Variants in ZNF792 observed in about 807,000 individuals in gnomAD.
ZNF792 encodes zinc finger protein 792.
In ZNF792, 14 loss-of-function variants were observed where a neutral mutation model predicts 13.1. The ratio of observed to expected loss-of-function variants is 1.07; its 90% CI spans 0.71 to 1.67. The LOEUF (loss-of-function observed/expected upper bound fraction) is 1.67, where lower values mean the gene tolerates loss of function less well. Among genes scored for constraint, ZNF792 ranks in the 40% most tolerant of loss-of-function variants. The pLI, the probability that ZNF792 is intolerant of heterozygous loss-of-function variation, is 0.00. For synonymous variants in ZNF792, 257 were observed against 292.0 expected (o/e 0.88, Z 1.22); for missense variants, 740 against 807.9 (o/e 0.92, Z 1.02).
At position 34,958,320 on chromosome 19, in the gene ZNF792, C is replaced by G; in HGVS notation, c.1535G>C (p.Gly512Ala). The change falls in exon 4 of 4, where the codon GGG becomes GCG. Residue 512 changes from glycine (G) to alanine (A), a missense_variant. Transcript: ENST00000404801. ...GERPYQCSEC[G>A]KFFNQSSSLN... is the part of the protein sequence containing the mutation. Reference sequence around the variant, plus strand: ...GCTGGAGCTTTGGTTAAAGAATTTCCCACATTCACTGCACTGGTAAGGCCG... The same window carrying G: ...GCTGGAGCTTTGGTTAAAGAATTTCGCACATTCACTGCACTGGTAAGGCCG... 2 of 1,613,204 alleles carry G rather than the reference C, an allele frequency of 1.2e-6. No individual in the cohort carries two copies. Among genetic ancestry groups the G allele is most frequent in the Non-Finnish European group, 1.7e-6 (2 of 1,179,558 alleles).
Position 34,960,340 on chromosome 19 carries a change from A to C in ZNF792, c.178T>G (p.Ser60Ala). ...ATCTCCAACTGGGAAACGATGTGGG[A>C]CCTGAAAGATATAAGTCCTAAGGGA... is the stretch of plus-strand genomic sequence containing the variant. ...IASLGLISFRSHIVSQLEMGK... is the reference protein window; with the variant it reads ...IASLGLISFRAHIVSQLEMGK... The change falls in exon 3 of 4, where the codon TCC (serine) becomes GCC (alanine). Residue 60 changes from serine to alanine, a missense_variant. Transcript: ENST00000404801. The C allele has an allele frequency of 6.2e-7, 1 of 1,613,446 alleles. No individual in the cohort carries two copies. Among genetic ancestry groups the C allele is most frequent in the South Asian group, 1.1e-5 (1 of 91,020 alleles).
At position 34,958,415 on chromosome 19, in the gene ZNF792, G is replaced by A; in HGVS notation, c.1440C>T (p.Cys480=). ...GGCTAAATAACTTCCCACATTCATTGCATTCATAAGGCCGCTCACCAGTGT... is the reference window on the plus strand; with the variant it reads ...GGCTAAATAACTTCCCACATTCATTACATTCATAAGGCCGCTCACCAGTGT... The part of the protein sequence containing the change: ...RVHTGERPYE[C]NECGKLFSQS... Residue 480 remains cysteine, a synonymous_variant, in exon 4 of 4, where the codon TGC becomes TGT. Coordinates refer to ENST00000404801, the MANE Select transcript of ZNF792 (RefSeq NM_175872.5). The A allele has an allele frequency of 1.9e-6, 3 of 1,613,372 alleles. No homozygotes were observed. The highest frequency in any genetic ancestry group is 1.7e-5 in the Admixed American group (1 of 59,996).
Position 34,956,668 on chromosome 19 carries a change from G to A in ZNF792, c.*1288C>T, listed in dbSNP as rs1474324516. On this transcript the variant is annotated 3_prime_UTR_variant, in exon 4 of 4. Coordinates refer to ENST00000404801, the MANE Select transcript of ZNF792 (RefSeq NM_175872.5). ...CTACTCATTTTAGAAAATCCGATTTGGCAACCCTATATTGACTCTGTCATC... is the reference window on the plus strand; with the variant it reads ...CTACTCATTTTAGAAAATCCGATTTAGCAACCCTATATTGACTCTGTCATC... 1 of 152,126 alleles carries A rather than the reference G, an allele frequency of 6.6e-6. No individual in the cohort carries two copies. The highest frequency in any genetic ancestry group is 6.5e-5 in the Admixed American group (1 of 15,278). 9.4% of individuals were successfully genotyped at this position (152,126 alleles called of 1,614,324 possible).
At chr19:34,960,176 G>A in intron 3 of ZNF792, 59 bp downstream of exon 3, 2 of 1,588,436 alleles carry the variant, frequency 1.3e-6, no homozygotes, top group South Asian at 2.2e-5. Context: ...AGAAGATGCT[G>A]GTATGATGTA....
chr19:34,962,722 G>C (rs1450778511), intron 1 of ZNF792, among the ~76,000 whole-genome samples: 2 of 152,030 alleles, frequency 1.3e-5, no homozygotes, highest in Non-Finnish European at 2.9e-5. Flanking sequence ...GCCATTGTTC[G>C]AATGAATATC....
chr19:34,964,012 A>C lies in ZNF792; in HGVS notation c.-350T>G. On this transcript the variant is annotated 5_prime_UTR_variant, in exon 1 of 4. Coordinates refer to ENST00000404801, the MANE Select transcript of ZNF792 (RefSeq NM_175872.5). The stretch of plus-strand genomic sequence containing the variant: ...CGTAGCCCCAGCCGCCCCGCCCCCA[A>C]CTCGGGGTCCCCAGCTCCTGGGGAC... 3.0e-5 allele frequency: 8 copies of C among 265,446 alleles called. No homozygotes were observed. The highest frequency in any genetic ancestry group is 5.7e-5 in the Non-Finnish European group (8 of 140,774). The allele number at this position is 265,446 out of a possible 1,614,324, so 16.4% of individuals were successfully genotyped here.
chr19:34,961,339 C>T (rs933562520), intron 1 of ZNF792, among the ~76,000 whole-genome samples: 4 of 152,164 alleles, frequency 2.6e-5, no homozygotes, highest in Admixed American at 6.5e-5. Flanking sequence ...CTCCCACGTG[C>T]GTTTCACTCT....
Position 34,958,257 on chromosome 19 carries a change from G to A in ZNF792, c.1598C>T (p.Pro533Leu), listed in dbSNP as rs2013464653. The stretch of plus-strand genomic sequence containing the variant: ...TTTCCCACATTCGCTGCACTCATAA[G>A]GCCGCTCGCCGGTGTGAAGTCTCCG... ...NHRRLHTGER[P>L]YECSECGKTF... The change falls in exon 4 of 4, where the codon CCT (proline) becomes CTT (leucine). Residue 533 changes from proline to leucine, a missense_variant. By Grantham distance (98) the Pro-to-Leu change is moderately conservative (BLOSUM62 -3). Coordinates refer to ENST00000404801, the MANE Select transcript of ZNF792 (RefSeq NM_175872.5). 2 of 1,614,064 alleles carry A rather than the reference G, an allele frequency of 1.2e-6. No individual in the cohort carries two copies. The highest frequency in any genetic ancestry group is 1.1e-5 in the South Asian group (1 of 91,072).
At position 34,957,075 on chromosome 19, in the gene ZNF792, T is replaced by TA. The variant is rs1421425682; in HGVS notation, c.*880dup. Reference sequence around the variant, plus strand: ...AAATTATGGTCCCAGCTGGGCCTGGTATGTCTTACAGTTAAGAGATACCTG... The same window carrying TA: ...AAATTATGGTCCCAGCTGGGCCTGGTAATGTCTTACAGTTAAGAGATACCTG... On this transcript the variant is annotated 3_prime_UTR_variant, in exon 4 of 4. Coordinates refer to ENST00000404801, the MANE Select transcript of ZNF792 (RefSeq NM_175872.5). The TA allele has an allele frequency of 1.3e-5, 2 of 152,212 alleles. No homozygotes were observed. Among genetic ancestry groups the TA allele is most frequent in the East Asian group, 3.8e-4 (2 of 5,196 alleles). 9.4% of individuals were successfully genotyped at this position (152,212 alleles called of 1,614,324 possible).
intron 1 of ZNF792, among the ~76,000 whole-genome samples, chr19:34,961,257 C>T (rs2013524282): frequency 6.6e-6 from 1 of 152,156 alleles, no homozygotes; most frequent in South Asian, 2.1e-4. Flanking sequence ...CAATGTCATG[C>T]TTCTCAGATA....
At position 34,960,940 on chromosome 19, in the gene ZNF792, G is replaced by C; in HGVS notation, c.88C>G (p.Leu30Val). Residue 30 changes from leucine to valine, a missense_variant, in exon 2 of 4, where the codon CTC becomes GTC. Coordinates refer to ENST00000404801, the MANE Select transcript of ZNF792 (RefSeq NM_175872.5). Reference sequence around the variant, plus strand: ...AGGAGTCTCTGAGCCTCATCGAGGAGCACCCACTCCTCCTGGGAGAAGTAA... The same window carrying C: ...AGGAGTCTCTGAGCCTCATCGAGGACCACCCACTCCTCCTGGGAGAAGTAA... ...TIYFSQEEWV[L>V]LDEAQRLLYC... The C allele has an allele frequency of 6.2e-7, 1 of 1,614,008 alleles. No homozygotes were observed. Among genetic ancestry groups the C allele is most frequent in the Non-Finnish European group, 8.5e-7 (1 of 1,179,936 alleles).
chr19:34,963,635 C>A lies in ZNF792; in HGVS notation c.28G>T (p.Ala10Ser). The stretch of plus-strand genomic sequence containing the variant: ...CCTAACGTCCAAGCACTCACCTGCG[C>A]GGGGTCCCGCAGCGCCGCCGCTGCC... MAAAALRDPAQGCVTFEDVT... is the reference protein window; with the variant it reads MAAAALRDPSQGCVTFEDVT... The change falls in exon 1 of 4, where the codon GCG becomes TCG. Residue 10 changes from alanine to serine, a missense_variant. Ala to Ser is a moderately conservative substitution (Grantham distance 99). Transcript: ENST00000404801. 6.2e-7 allele frequency: 1 copy of A among 1,602,866 alleles called. No individual in the cohort carries two copies. The highest frequency in any genetic ancestry group is 1.1e-5 in the South Asian group (1 of 89,078).
rs757942319 is a variant in ZNF792 at position 34,959,547 on chromosome 19, T to A, written c.308A>T (p.Lys103Met). Residue 103 changes from lysine to methionine, a missense_variant, in exon 4 of 4, where the codon AAG becomes ATG. Coordinates refer to ENST00000404801, the MANE Select transcript of ZNF792 (RefSeq NM_175872.5). ...GSDFCHGTEG[K>M]DLPSEHNVSV... ...AACGTTATGCTCAGAAGGTAAGTCC[T>A]TGCCCTCTGTTCCATGGCAAAAATC... is the stretch of plus-strand genomic sequence containing the variant. 7 of 1,541,170 alleles carry A rather than the reference T, an allele frequency of 4.5e-6. No homozygotes were observed. The highest frequency in any genetic ancestry group is 6.1e-6 in the Non-Finnish European group (7 of 1,144,628).
Position 34,957,905 on chromosome 19 carries a change from A to C in ZNF792, c.*51T>G. On this transcript the variant is annotated 3_prime_UTR_variant, in exon 4 of 4. Transcript: ENST00000404801. The stretch of plus-strand genomic sequence containing the variant: ...GTGAAAAAACGCTGATAAACTCTAC[A>C]GTAAGAGAATGTAACTTGTCTCCAG... 1 of 1,518,556 alleles carries C rather than the reference A, an allele frequency of 6.6e-7. No individual in the cohort carries two copies. Among genetic ancestry groups the C allele is most frequent in the African/African-American group, 1.4e-5 (1 of 72,104 alleles). The allele number at this position is 1,518,556 out of a possible 1,614,324, so 94.1% of individuals were successfully genotyped here.
chr19:34,961,058 C>A (rs990987640), intron 1 of ZNF792, 64 bp from the exon 2 acceptor site: 6 of 1,558,114 alleles, frequency 3.9e-6, no homozygotes, highest in Non-Finnish European at 5.2e-6. Flanking sequence ...CTATCCATCC[C>A]CTGCTCACTC....
At position 34,959,063 on chromosome 19, in the gene ZNF792, A is replaced by T. The variant is rs753178888; in HGVS notation, c.792T>A (p.Asn264Lys). 4.3e-6 allele frequency: 7 copies of T among 1,614,156 alleles called. No individual in the cohort carries two copies. Among genetic ancestry groups the T allele is most frequent in the Non-Finnish European group, 5.9e-6 (7 of 1,179,996 alleles). ...GGTGCTGAACAAGAGTGGATTTGTT[A>T]TTGAAGGCATCCCCAGATTCACAGC... ...NKCCESGDAFNNKSTLVQHQR... is the reference protein window; with the variant it reads ...NKCCESGDAFKNKSTLVQHQR... Residue 264 changes from asparagine to lysine, a missense_variant, in exon 4 of 4, where the codon AAT becomes AAA. Asn to Lys is a moderately conservative substitution (Grantham distance 94, BLOSUM62 0). Transcript: ENST00000404801.
rs1245499400 is a variant in ZNF792 at position 34,963,833 on chromosome 19, G to T, written c.-171C>A. 4.1e-6 allele frequency: 3 copies of T among 739,878 alleles called. No homozygotes were observed. Among genetic ancestry groups the T allele is most frequent in the East Asian group, 6.3e-5 (2 of 31,758 alleles). 45.8% of individuals were successfully genotyped at this position (739,878 alleles called of 1,614,324 possible). Reference sequence around the variant, plus strand: ...TCTCCCCCGTGCAAAATGCGCAAGGGGCCCGGGGCGCAGGCTCCGGGGGCG... The same window carrying T: ...TCTCCCCCGTGCAAAATGCGCAAGGTGCCCGGGGCGCAGGCTCCGGGGGCG... On this transcript the variant is annotated 5_prime_UTR_variant, in exon 1 of 4. Coordinates refer to ENST00000404801, the MANE Select transcript of ZNF792 (RefSeq NM_175872.5).
Position 34,957,867 on chromosome 19 carries a change from C to T in ZNF792, c.*89G>A. ...TGTGTGGTGCTGACATGGCTTCTAT[C>T]ACAACCCCAGCAGTGAAAAAACGCT... On this transcript the variant is annotated 3_prime_UTR_variant, in exon 4 of 4. Transcript: ENST00000404801. The T allele has an allele frequency of 7.4e-7, 1 of 1,358,746 alleles. No homozygotes were observed. The highest frequency in any genetic ancestry group is 9.9e-7 in the Non-Finnish European group (1 of 1,011,538). 84.2% of individuals were successfully genotyped at this position (1,358,746 alleles called of 1,614,324 possible).
Position 34,957,908 on chromosome 19 carries a change from AAG to A in ZNF792, c.*46_*47del. ...AAAAAACGCTGATAAACTCTACAGTAAGAGAATGTAACTTGTCTCCAGAAAGC... is the reference window on the plus strand; with the variant it reads ...AAAAAACGCTGATAAACTCTACAGTAAGAATGTAACTTGTCTCCAGAAAGC... On this transcript the variant is annotated 3_prime_UTR_variant, in exon 4 of 4. Transcript: ENST00000404801. The A allele has an allele frequency of 1.3e-6, 2 of 1,525,356 alleles. No individual in the cohort carries two copies. The highest frequency in any genetic ancestry group is 1.8e-6 in the Non-Finnish European group (2 of 1,136,150). The allele number at this position is 1,525,356 out of a possible 1,614,324, so 94.5% of individuals were successfully genotyped here. A position where few individuals can be genotyped will look rare whatever the true frequency, so the allele number is the denominator to read the frequency against.
Sources: gnomAD v4.1 joint callset for allele counts (sites outside exome capture counted in the v4.1 genomes callset) on GRCh38, gnomAD v4.1.1 for gene constraint, MANE v1.5 for transcripts, NCBI Gene and HGNC (gene_info 2026-07-23, HGNC 2026-07-21) for gene names.